TSHR: variants seen among roughly 807,000 people sequenced by gnomAD.
The protein encoded by TSHR is thyrotropin receptor.
TSHR carries 51 observed loss-of-function variants against 64.1 expected under a neutral mutation model. That is an observed-to-expected ratio of 0.80 (90% CI 0.64 to 1.01). The LOEUF is 1.01. TSHR is among the 50% of genes least tolerant of loss of function. The pLI, the probability that TSHR is intolerant of heterozygous loss-of-function variation, is 0.00. For missense variants in TSHR, 877 were observed against 942.8 expected, an observed-to-expected ratio of 0.93 and a Z score of 0.91; for synonymous variants, 361 against 361.9, an observed-to-expected ratio of 1.00 and a Z score of 0.03.
chr14:81,039,847 T>C (rs569574552), intron 1 of TSHR, among the ~76,000 whole-genome samples: 1 of 152,098 alleles, frequency 6.6e-6, no homozygotes, highest in South Asian at 2.1e-4. Context: ...AAAGATATCT[T>C]GAGTTCATTG....
At chr14:81,056,508 G>T (rs907865916) in intron 1 of TSHR, among the ~76,000 whole-genome samples, 4 of 152,162 alleles carry the variant, frequency 2.6e-5, no homozygotes, top group Non-Finnish European at 5.9e-5. Flanking sequence ...TGGGCGTAAA[G>T]TATGCCTTAA....
rs111540204 is a variant in TSHR, at chr14:80,983,797, A to T, written c.170+27947A>T. Among the ~76,000 whole-genome samples, 64 of 152,336 alleles carry T rather than the reference A, an allele frequency of 4.2e-4. 2 individuals carry two copies. The highest frequency in any genetic ancestry group is 1.4e-3 in the African/African-American group (59 of 41,592). On this transcript the variant is annotated intron_variant, in intron 1 of 9. Transcript: ENST00000298171. ...GTGACAAGCTCTAGGTTTGAGCTAAACTATTTTGGGGGTATCAGATGAATA... is the reference window on the plus strand; with the variant it reads ...GTGACAAGCTCTAGGTTTGAGCTAATCTATTTTGGGGGTATCAGATGAATA...
intron 7 of TSHR, chr14:81,105,143 G>C (rs1177282725): frequency 2.0e-6 from 2 of 985,334 alleles, no homozygotes. Context: ...AGCCTACCAA[G>C]ATTTGTGACT....
chr14:80,973,342 C>G lies in TSHR; in HGVS notation c.170+17492C>G, dbSNP rs1341482885. Among the ~76,000 whole-genome samples, 5 of 141,778 alleles carry G rather than the reference C, an allele frequency of 3.5e-5. No homozygotes were observed. In the East Asian group the frequency reaches 8.4e-4, roughly 24 times the overall value. The allele number at this position is 141,778 out of a possible 152,430, so 93.0% of individuals were successfully genotyped here. A position where few individuals can be genotyped will look rare whatever the true frequency, so the allele number is the denominator to read the frequency against. On this transcript the variant is annotated intron_variant, in intron 1 of 9. Coordinates refer to ENST00000298171, the MANE Select transcript of TSHR (RefSeq NM_000369.5). ...ATGGCGTGAACCCCGGGGGGCGGAGCCTGCAGTGAGCCGAGATCGCGCCAC... is the reference window on the plus strand; with the variant it reads ...ATGGCGTGAACCCCGGGGGGCGGAGGCTGCAGTGAGCCGAGATCGCGCCAC...
intron 9 of TSHR, among the ~76,000 whole-genome samples, chr14:81,140,273 T>C (rs186573708): frequency 6.6e-6 from 1 of 152,310 alleles, no homozygotes; most frequent in East Asian, 1.9e-4. Flanking sequence ...TTGGGTTACC[T>C]GATTGGTTTG....
rs150978852 is a variant in TSHR, at chr14:80,964,909, G to A, written c.170+9059G>A. On this transcript the variant is annotated intron_variant, in intron 1 of 9. Transcript: ENST00000298171. ...GTTACTACTGTTACTACTTGAGACCGTCACTAGGACAGTTACTACTGTTAC... is the reference window on the plus strand; with the variant it reads ...GTTACTACTGTTACTACTTGAGACCATCACTAGGACAGTTACTACTGTTAC... 5.5e-4 allele frequency among the ~76,000 whole-genome samples: 83 copies of A among 152,276 alleles called. 1 individual carries two copies. In the South Asian group the frequency reaches 0.012, roughly 21 times the overall value.
intron 1 of TSHR, among the ~76,000 whole-genome samples, chr14:80,998,419 C>A (rs1054378763): frequency 6.6e-6 from 1 of 151,970 alleles, no homozygotes; most frequent in Non-Finnish European, 1.5e-5. Flanking sequence ...CAGCAATGAT[C>A]AAATAATTAC....
intron 1 of TSHR, among the ~76,000 whole-genome samples, chr14:81,023,585 G>A (rs558525488): frequency 6.6e-6 from 1 of 152,244 alleles, no homozygotes; most frequent in South Asian, 2.1e-4. Flanking sequence ...CAGGGGCATT[G>A]TTCAATATCA....
intron 8 of TSHR, among the ~76,000 whole-genome samples, chr14:81,127,071 G>A (rs1225924315): frequency 6.6e-6 from 1 of 152,200 alleles, no homozygotes; most frequent in Admixed American, 6.5e-5. Context: ...GAGGATGCTG[G>A]CAACAGGCTA....
intron 8 of TSHR, among the ~76,000 whole-genome samples, chr14:81,117,307 G>C (rs1595142281): frequency 8.1e-6 from 1 of 123,294 alleles, no homozygotes; most frequent in South Asian, 2.9e-4. Flanking sequence ...AAGAAAAAAA[G>C]AGAGAAGAAT....
intron 8 of TSHR, among the ~76,000 whole-genome samples, chr14:81,124,951 T>A (rs949392309): frequency 2.6e-5 from 4 of 152,174 alleles, no homozygotes; most frequent in Admixed American, 2.6e-4. Context: ...GGCCACCAGC[T>A]CTCTGCCAAC....
chr14:80,955,921 C>A, intron 1 of TSHR, 71 bp downstream of exon 1: 1 of 1,593,410 alleles, frequency 6.3e-7, no homozygotes, highest in Non-Finnish European at 8.6e-7. Context: ...CCGAAGTGCA[C>A]AAAAGCAGCT....
At chr14:81,049,279 A>G (rs991553644) in intron 1 of TSHR, 1 of 152,176 alleles carries the variant, frequency 6.6e-6, no homozygotes, top group Non-Finnish European at 1.5e-5. Flanking sequence ...TAGGCACTCA[A>G]TATATGTGGT....
intron 3 of TSHR, among the ~76,000 whole-genome samples, chr14:81,076,232 A>G (rs554965870): frequency 7.1e-4 from 108 of 152,212 alleles, no homozygotes; most frequent in Admixed American, 2.9e-3. Context: ...TGATATCACA[A>G]TCCTGGTTGG....
At chr14:81,052,179 A>G (rs1885473011) in intron 1 of TSHR, 1 of 152,170 alleles carries the variant, frequency 6.6e-6, no homozygotes, top group Admixed American at 6.5e-5. Flanking sequence ...ACAGTTTCAG[A>G]TCTTACATTT....
intron 2 of TSHR, among the ~76,000 whole-genome samples, chr14:81,063,797 A>G (rs1886407575): frequency 6.6e-6 from 1 of 152,112 alleles, no homozygotes; most frequent in Non-Finnish European, 1.5e-5. Flanking sequence ...GTGATATGGA[A>G]ACTCACATAA....
chr14:81,024,540 C>A (rs1883947454), intron 1 of TSHR, among the ~76,000 whole-genome samples: 1 of 152,166 alleles, frequency 6.6e-6, no homozygotes, highest in Non-Finnish European at 1.5e-5. Flanking sequence ...GGCCACCGTG[C>A]CTGGCCAGGT....
At chr14:81,108,548 G>C in intron 8 of TSHR, 96 bp downstream of exon 8, 13 of 1,610,144 alleles carry the variant, frequency 8.1e-6, no homozygotes, top group Non-Finnish European at 1.1e-5. Flanking sequence ...TTATGTTCAA[G>C]GGTAGAAAAT....
At chr14:81,006,977 A>G (rs2139769737) in intron 1 of TSHR, among the ~76,000 whole-genome samples, 1 of 152,336 alleles carries the variant, frequency 6.6e-6, no homozygotes, top group South Asian at 2.1e-4. Flanking sequence ...TGAAGTCCAT[A>G]TCTTATTTAG....
Sources: allele counts gnomAD v4.1 joint callset (sites outside exome capture counted in the v4.1 genomes callset), GRCh38; gene constraint gnomAD v4.1.1; transcripts MANE v1.5; gene names NCBI Gene and HGNC (gene_info 2026-07-23, HGNC 2026-07-21).